Variants in MCMDC2 observed in about 807,000 individuals in gnomAD.
MCMDC2 encodes minichromosome maintenance domain-containing protein 2.
In MCMDC2, 54 loss-of-function variants were observed where a neutral mutation model predicts 75.8. The ratio of observed to expected loss-of-function variants is 0.71; its 90% CI spans 0.57 to 0.89. The LOEUF is 0.89. Among genes scored for constraint, MCMDC2 ranks in the 40% least tolerant of loss-of-function variants. The pLI is 0.00. For missense variants in MCMDC2, 656 were observed against 780.4 expected (o/e 0.84, Z 1.90); for synonymous variants, 249 against 274.6 (o/e 0.91, Z 0.92).
intron 14 of MCMDC2, among the ~76,000 whole-genome samples, chr8:66,907,349 A>G (rs573512421): frequency 6.6e-6 from 1 of 152,140 alleles, no homozygotes; most frequent in Admixed American, 6.5e-5. Context: ...TTCCTGTGTT[A>G]GTTGGCTGAG....
At chr8:66,881,096 A>G in intron 8 of MCMDC2, 122 bp downstream of exon 8, 1 of 758,702 alleles carries the variant, frequency 1.3e-6, no homozygotes, top group Non-Finnish European at 1.8e-6. Context: ...TACAGTTGTA[A>G]ACAGGACAGT....
At chr8:66,918,155 A>C (rs1341155138) in intron 14 of MCMDC2, among the ~76,000 whole-genome samples, 1 of 152,148 alleles carries the variant, frequency 6.6e-6, no homozygotes, top group Non-Finnish European at 1.5e-5. Flanking sequence ...GTGATTAGTG[A>C]TGTTGAACAT....
chr8:66,926,234 T>G (rs1318229933), downstream of MCMDC2: 4 of 152,222 alleles, frequency 2.6e-5, no homozygotes, highest in Non-Finnish European at 5.9e-5. Flanking sequence ...CTGTTGATTT[T>G]CACGTCTTAT....
rs765151444 is a variant in MCMDC2, at chr8:66,896,896, C to G, written c.1563C>G (p.Ala521=). 23 of 1,613,046 alleles carry G rather than the reference C, an allele frequency of 1.4e-5. No individual in the cohort carries two copies. The Admixed American group carries it at 3.8e-4, about 27-fold the overall frequency. Residue 521 remains alanine (A), a synonymous_variant, in exon 12 of 15, where the codon GCC becomes GCG. Coordinates refer to ENST00000422365, the MANE Select transcript of MCMDC2 (RefSeq NM_173518.5). Reference sequence around the variant, plus strand: ...CTGTGCAACACACTTTGAACAAAGCCATTAATCCTGAAGGGCTGTTTTATG... The same window carrying G: ...CTGTGCAACACACTTTGAACAAAGCGATTAATCCTGAAGGGCTGTTTTATG... The part of the protein sequence containing the change: ...LPTVQHTLNK[A]INPEGLFYAA...
rs761953652 is a variant in MCMDC2 at position 66,890,819 on chromosome 8, T to C, written c.1074-46T>C. On this transcript the variant is annotated intron_variant, in intron 9 of 14. Transcript: ENST00000422365. Reference sequence around the variant, plus strand: ...AATTAAATTTAATACATTGTGACTTTTGAAAATTAAATAATAGTAATGAAA... The same window carrying C: ...AATTAAATTTAATACATTGTGACTTCTGAAAATTAAATAATAGTAATGAAA... The C allele has an allele frequency of 7.4e-6, 11 of 1,491,096 alleles. 1 individual carries two copies. Among genetic ancestry groups the C allele is most frequent in the South Asian group, 3.6e-5 (3 of 83,338 alleles). The allele number at this position is 1,491,096 out of a possible 1,614,324, so 92.4% of individuals were successfully genotyped here. A position where few individuals can be genotyped will look rare whatever the true frequency, so the allele number is the denominator to read the frequency against.
chr8:66,878,977 C>T lies in MCMDC2; in HGVS notation c.709+58C>T, dbSNP rs1357481250. The T allele has an allele frequency of 4.7e-6, 5 of 1,062,808 alleles. No homozygotes were observed. The Admixed American group carries it at 7.7e-5, about 16-fold the overall frequency. The allele number at this position is 1,062,808 out of a possible 1,614,324, so 65.8% of individuals were successfully genotyped here. On this transcript the variant is annotated intron_variant, in intron 7 of 14. Transcript: ENST00000422365. ...TGCTATAAATATGTAATTGGCTGGG[C>T]ACAGTGGCTGGCTCATGCCTGTAAT...
intron 9 of MCMDC2, among the ~76,000 whole-genome samples, chr8:66,888,297 G>A (rs1811938477): frequency 6.6e-6 from 1 of 152,100 alleles, no homozygotes; most frequent in African/African-American, 2.4e-5. Flanking sequence ...GCCTAGACTG[G>A]TCTTGCACTC....
intron 12 of MCMDC2, among the ~76,000 whole-genome samples, chr8:66,898,554 G>C (rs941213470): frequency 2.6e-5 from 4 of 151,402 alleles, no homozygotes; most frequent in African/African-American, 7.3e-5. Flanking sequence ...AACCCGGAAG[G>C]CGGAGGTTGA....
chr8:66,890,963 G>A lies in MCMDC2; in HGVS notation c.1172G>A (p.Gly391Glu). ...PTLSRNKYGT[G>E]AVSIQAGSAL... ...CTATCCAGGAATAAGTATGGAACTG[G>A]AGCAGTTAGCATTCAGGCTGGCAGT... is the stretch of plus-strand genomic sequence containing the variant. Residue 391 changes from glycine to glutamate, a missense_variant, in exon 10 of 15, where the codon GGA becomes GAA. Coordinates refer to ENST00000422365, the MANE Select transcript of MCMDC2 (RefSeq NM_173518.5). The A allele has an allele frequency of 6.2e-7, 1 of 1,613,358 alleles. No homozygotes were observed. The highest frequency in any genetic ancestry group is 8.5e-7 in the Non-Finnish European group (1 of 1,179,860).
intron 10 of MCMDC2, among the ~76,000 whole-genome samples, chr8:66,893,656 C>T (rs1336659393): frequency 6.6e-6 from 1 of 152,128 alleles, no homozygotes; most frequent in Non-Finnish European, 1.5e-5. Flanking sequence ...CCCACCAGGC[C>T]CCTCCCACAA....
At chr8:66,880,725 CAA>C (rs1169054260) in intron 7 of MCMDC2, 122 bp from the exon 8 acceptor site, 4 of 999,944 alleles carry the variant, frequency 4.0e-6, no homozygotes, top group Non-Finnish European at 5.3e-6. Flanking sequence ...TTATCCTAAA[CAA>C]AAGTAAATAC....
intron 9 of MCMDC2, chr8:66,884,685 C>T (rs1811749648): frequency 6.6e-6 from 1 of 151,780 alleles, no homozygotes; most frequent in Non-Finnish European, 1.5e-5. Context: ...AATATGGTAC[C>T]AAATGCCGAG....
At chr8:66,883,209 A>G (rs1811676783) in intron 8 of MCMDC2, among the ~76,000 whole-genome samples, 1 of 152,222 alleles carries the variant, frequency 6.6e-6, no homozygotes, top group South Asian at 2.1e-4. Context: ...AGCACTTTCA[A>G]AGTAGTGGAA....
chr8:66,890,882 T>C lies in MCMDC2; in HGVS notation c.1091T>C (p.Ile364Thr), dbSNP rs1248517543. 6.2e-7 allele frequency: 1 copy of C among 1,606,330 alleles called. No individual in the cohort carries two copies. Among genetic ancestry groups the C allele is most frequent in the Non-Finnish European group, 8.5e-7 (1 of 1,178,358 alleles). Residue 364 changes from isoleucine to threonine, a missense_variant, in exon 10 of 15, where the codon ATA becomes ACA. Ile to Thr is a moderately conservative substitution (Grantham distance 89). Transcript: ENST00000422365. The part of the protein sequence containing the change: ...LLIDRLLNFS[I>T]NLVPRGIRHL... The stretch of plus-strand genomic sequence containing the variant: ...TTCCCTAGGCTTCTGAATTTTAGCA[T>C]AAACCTTGTCCCCCGTGGTATACGT...
At chr8:66,890,021 T>G (rs920164725) in intron 9 of MCMDC2, among the ~76,000 whole-genome samples, 4 of 152,206 alleles carry the variant, frequency 2.6e-5, no homozygotes, top group Non-Finnish European at 1.5e-5. Context: ...TGTGTAACTT[T>G]CTCTGACTCC....
downstream of MCMDC2, chr8:66,922,226 A>G (rs1046786410): frequency 9.9e-5 from 21 of 212,076 alleles, no homozygotes; most frequent in African/African-American, 4.6e-4. Context: ...AATACCACAC[A>G]TGCAAAAGCA....
At chr8:66,910,744 G>T (rs1466139749) in intron 14 of MCMDC2, among the ~76,000 whole-genome samples, 4 of 152,062 alleles carry the variant, frequency 2.6e-5, no homozygotes, top group African/African-American at 9.7e-5. Flanking sequence ...GGGAGACGGA[G>T]GTTGTAGTGA....
intron 10 of MCMDC2, among the ~76,000 whole-genome samples, chr8:66,892,937 C>A (rs1396016541): frequency 6.6e-6 from 1 of 152,140 alleles, no homozygotes; most frequent in Non-Finnish European, 1.5e-5. Context: ...GTGTATAATT[C>A]TTTTTCTACA....
intron 13 of MCMDC2, among the ~76,000 whole-genome samples, chr8:66,902,706 AAAAAAATATATATATAT>A (rs1812732237): frequency 7.6e-6 from 1 of 131,460 alleles, no homozygotes; most frequent in African/African-American, 2.9e-5. Flanking sequence ...AAAAAAAAAA[AAAAAAATATATATATAT>A]ATATATATAT....
Sources: allele counts gnomAD v4.1 joint callset (sites outside exome capture counted in the v4.1 genomes callset), GRCh38; gene constraint gnomAD v4.1.1; transcripts MANE v1.5; gene names NCBI Gene and HGNC (gene_info 2026-07-23, HGNC 2026-07-21).